The following TPO variants were observed in gnomAD, a reference collection of about 807,000 sequenced individuals.
TPO encodes thyroid microsomal antigen.
A neutral mutation model predicts 96.9 loss-of-function variants in TPO; 78 were observed. The ratio of observed to expected loss-of-function variants is 0.81; its 90% CI spans 0.67 to 0.97. TPO has a LOEUF of 0.97. TPO is among the 50% of genes least tolerant of loss of function. The pLI is 0.00. For synonymous variants in TPO, 547 were observed against 538.0 expected (o/e 1.02, Z -0.23); for missense variants, 1,252 against 1,274.8 (o/e 0.98, Z 0.27).
At chr2:1,538,879 C>T (rs1357618351) in intron 15 of TPO, among the ~76,000 whole-genome samples, 2 of 152,286 alleles carry the variant, frequency 1.3e-5, no homozygotes, top group Admixed American at 6.5e-5. Flanking sequence ...CCTTGCACAT[C>T]CAGCCTTTGG....
At chr2:1,505,367 C>A (rs1673311536) in intron 14 of TPO, among the ~76,000 whole-genome samples, 1 of 148,268 alleles carries the variant, frequency 6.7e-6, no homozygotes, top group South Asian at 2.2e-4. Context: ...ACCCCCACCC[C>A]CGTGTCAGGC....
chr2:1,463,729 C>T (rs1481530835), intron 7 of TPO, among the ~76,000 whole-genome samples: 3 of 152,042 alleles, frequency 2.0e-5, no homozygotes, highest in South Asian at 2.1e-4. Context: ...GCAGGCAGCC[C>T]GATGATGTTC....
intron 15 of TPO, among the ~76,000 whole-genome samples, chr2:1,536,787 C>G (rs1380926147): frequency 8.1e-6 from 1 of 122,764 alleles, no homozygotes; most frequent in Non-Finnish European, 1.7e-5. Context: ...CTCCCCAAAT[C>G]CCCCGCAATC....
At chr2:1,540,032 A>C (rs1262075251) in intron 15 of TPO, among the ~76,000 whole-genome samples, 6 of 152,120 alleles carry the variant, frequency 3.9e-5, no homozygotes, top group Non-Finnish European at 7.4e-5. Flanking sequence ...CCCTCCTCAA[A>C]AGGTCCCAGC....
intron 5 of TPO, among the ~76,000 whole-genome samples, chr2:1,439,696 G>C (rs1246695748): frequency 6.6e-6 from 1 of 152,064 alleles, no homozygotes; most frequent in African/African-American, 2.4e-5. Flanking sequence ...TGCCTGCCCA[G>C]AGACTCCCCC....
At chr2:1,463,089 C>G (rs1265866244) in intron 7 of TPO, among the ~76,000 whole-genome samples, 1 of 151,956 alleles carries the variant, frequency 6.6e-6, no homozygotes, top group African/African-American at 2.4e-5. Context: ...AAGGCAAGAC[C>G]ACATCTGGCA....
rs188802961 is a variant in TPO, at chr2:1,413,781, C to T, written c.-2+236C>T. The T allele has an allele frequency of 1.1e-3, 1,075 of 975,302 alleles. 12 individuals are homozygous for T. The highest frequency in any genetic ancestry group is 6.4e-4 in the Non-Finnish European group (528 of 820,762). The allele number at this position is 975,302 out of a possible 1,614,324, so 60.4% of individuals were successfully genotyped here. On this transcript the variant is annotated intron_variant, in intron 1 of 16. Transcript: ENST00000329066. ...GTCTACTGAGACACATTCCTGTCAG[C>T]ATGGACTCACTGGTGCTATCCTGCT...
chr2:1,466,571 G>A lies in TPO; in HGVS notation c.819+10289G>A, dbSNP rs568211045. Among the ~76,000 whole-genome samples the A allele has an allele frequency of 4.6e-5, 7 of 152,206 alleles. No homozygotes were observed. The East Asian group carries it at 1.2e-3, about 25-fold the overall frequency. ...TATTACCATTTCAATCTTACTGCTT[G>A]TTATTGTTCAGGGTGTCTAATTCTT... On this transcript the variant is annotated intron_variant, in intron 7 of 16. Coordinates refer to ENST00000329066, the MANE Select transcript of TPO (RefSeq NM_001206744.2).
chr2:1,467,959 T>TTTTTTTTTTTTG (rs1553312516), intron 7 of TPO, among the ~76,000 whole-genome samples: 1 of 144,862 alleles, frequency 6.9e-6, no homozygotes, highest in Non-Finnish European at 1.5e-5. Context: ...TTGTCTTTTT[T>TTTTTTTTTTTTG]AACCACTGTT....
intron 8 of TPO, among the ~76,000 whole-genome samples, chr2:1,483,201 G>A (rs935852178): frequency 2.0e-5 from 3 of 152,168 alleles, no homozygotes; most frequent in African/African-American, 4.8e-5. Context: ...GATGAAGGGC[G>A]CAGGTTTCCT....
chr2:1,432,967 T>C (rs537019696), intron 3 of TPO, among the ~76,000 whole-genome samples: 23 of 152,158 alleles, frequency 1.5e-4, no homozygotes, highest in Admixed American at 2.0e-4. Flanking sequence ...TAGGGCTGCA[T>C]TGAGCCAATG....
At chr2:1,506,421 A>G (rs952606198) in intron 14 of TPO, among the ~76,000 whole-genome samples, 6 of 152,144 alleles carry the variant, frequency 3.9e-5, no homozygotes, top group African/African-American at 1.4e-4. Context: ...GCTGGGTCAA[A>G]TGGTATTTCT....
intron 5 of TPO, among the ~76,000 whole-genome samples, chr2:1,450,659 AT>A (rs1667227439): frequency 6.6e-6 from 1 of 152,170 alleles, no homozygotes; most frequent in Non-Finnish European, 1.5e-5. Context: ...CAGGTGACAC[AT>A]TTGCGGAGGG....
intron 8 of TPO, chr2:1,477,843 G>C: frequency 1.0e-6 from 1 of 985,432 alleles, no homozygotes; most frequent in Non-Finnish European, 1.2e-6. Flanking sequence ...GGTAACTCCG[G>C]AGCTGGCGGC....
At chr2:1,471,901 T>C (rs1558325009) in intron 7 of TPO, among the ~76,000 whole-genome samples, 1 of 151,870 alleles carries the variant, frequency 6.6e-6, no homozygotes, top group Admixed American at 6.6e-5. Context: ...GCCCTTCCCA[T>C]GATCCTGATG....
chr2:1,474,512 C>A (rs1164798133), intron 7 of TPO, among the ~76,000 whole-genome samples: 1 of 152,114 alleles, frequency 6.6e-6, no homozygotes, highest in Non-Finnish European at 1.5e-5. Flanking sequence ...GTTTAAGCAA[C>A]CTTGGAGTTA....
chr2:1,398,872 CAG>C (rs1662124599), intron 1 of TPO, among the ~76,000 whole-genome samples: 1 of 152,162 alleles, frequency 6.6e-6, no homozygotes, highest in African/African-American at 2.4e-5. Flanking sequence ...CCAGGACTGA[CAG>C]AGGGTGGGGG....
chr2:1,474,552 A>G (rs926837882), intron 7 of TPO, among the ~76,000 whole-genome samples: 4 of 152,212 alleles, frequency 2.6e-5, no homozygotes, highest in African/African-American at 9.7e-5. Context: ...ATAGAAGTCC[A>G]CCGTCAATGC....
At chr2:1,509,376 T>C (rs1203097521) in intron 14 of TPO, among the ~76,000 whole-genome samples, 1 of 151,512 alleles carries the variant, frequency 6.6e-6, no homozygotes, top group Non-Finnish European at 1.5e-5. Context: ...GGATACCCTC[T>C]TCTTTCAGGG....
Sources: allele counts gnomAD v4.1 joint callset (sites outside exome capture counted in the v4.1 genomes callset), GRCh38; gene constraint gnomAD v4.1.1; transcripts MANE v1.5; gene names NCBI Gene and HGNC (gene_info 2026-07-23, HGNC 2026-07-21).